Variants in MPHOSPH9 observed in about 807,000 individuals in gnomAD.
MPHOSPH9 encodes M-phase phosphoprotein 9.
Under a neutral mutation model 145.5 loss-of-function variants are expected in MPHOSPH9, and 88 were observed. The observed-to-expected ratio is 0.60, with a 90% CI of 0.51 to 0.72. The LOEUF (loss-of-function observed/expected upper bound fraction) is 0.72. Among genes scored for constraint, MPHOSPH9 ranks in the 30% least tolerant of loss-of-function variants. The probability of loss-of-function intolerance (pLI) is 0.00; values close to 1 mark genes in which losing one functional copy is unlikely to be tolerated. For missense variants in MPHOSPH9, 1,238 were observed against 1,386.6 expected (o/e 0.89, Z 1.70); for synonymous variants, 435 against 486.2 (o/e 0.89, Z 1.39).
rs1386093732 is a variant in MPHOSPH9, at chr12:123,202,175, A to T, written c.1926T>A (p.Ile642=). 2 of 1,607,748 alleles carry T rather than the reference A, an allele frequency of 1.2e-6. No individual in the cohort carries two copies. Among genetic ancestry groups the T allele is most frequent in the African/African-American group, 2.7e-5 (2 of 74,608 alleles). ...GVEDWKITNQ[I]LVDRCGQLDS... The stretch of plus-strand genomic sequence containing the variant: ...ATTATAAATTTTACCTGTCTACAAG[A>T]ATTTGATTGGTTATCTTCCAATCTT... Residue 642 remains isoleucine, a synonymous_variant, in exon 11 of 24, where the codon ATT becomes ATA. Coordinates refer to ENST00000606320, the MANE Select transcript of MPHOSPH9 (RefSeq NM_022782.4).
rs1041303266 is a variant in MPHOSPH9, at chr12:123,159,562, T to G, written c.3450+1219A>C. ...TATCTTCATACACGGCAGGTAGGAG[T>G]AGAAATTGTCTCAAACATCCTGGGT... is the stretch of plus-strand genomic sequence containing the variant. On this transcript the variant is annotated intron_variant, in intron 23 of 23. Transcript: ENST00000606320. This position sits in a 1 kb window ranked among gnomAD's most constrained non-coding sequence, Gnocchi z 4.3. 6.6e-6 allele frequency: 1 copy of G among 151,914 alleles called. No individual in the cohort carries two copies. Among genetic ancestry groups the G allele is most frequent in the Admixed American group, 6.6e-5 (1 of 15,252 alleles). 9.4% of individuals were successfully genotyped at this position (151,914 alleles called of 1,614,324 possible).
rs1465257474 is a variant in MPHOSPH9 at position 123,198,151 on chromosome 12, A to T, written c.2025+96T>A. 1.2e-5 allele frequency: 11 copies of T among 943,468 alleles called. No individual in the cohort carries two copies. The South Asian group carries it at 1.5e-4, about 13-fold the overall frequency. 58.4% of individuals were successfully genotyped at this position (943,468 alleles called of 1,614,324 possible). A position where few individuals can be genotyped will look rare whatever the true frequency, so the allele number is the denominator to read the frequency against. ...CAACAGCACTAAAAATATAAACTTC[A>T]TAAGCCTTCCTTAAAAAGACAAGAA... On this transcript the variant is annotated intron_variant, in intron 12 of 23. Transcript: ENST00000606320.
At chr12:123,235,113 T>C (rs2047823591), upstream of MPHOSPH9, among the ~76,000 whole-genome samples, 1 of 152,204 alleles carries the variant, frequency 6.6e-6, no homozygotes, top group Non-Finnish European at 1.5e-5. Context: ...CCAAAGTTCC[T>C]CAGCCTTGTA....
At chr12:123,217,377 TAGTTAGAG>T (rs1024391100) in intron 6 of MPHOSPH9, among the ~76,000 whole-genome samples, 1 of 151,972 alleles carries the variant, frequency 6.6e-6, no homozygotes, top group Non-Finnish European at 1.5e-5. Context: ...TTTGTATTTT[TAGTTAGAG>T]ACGGGGTTTC....
chr12:123,236,883 AC>A (rs551953692), upstream of MPHOSPH9, among the ~76,000 whole-genome samples: 718 of 152,116 alleles, frequency 4.7e-3, 8 homozygotes, highest in Middle Eastern at 0.02. Flanking sequence ...CAGGAGTTCA[AC>A]ACCAGCCTGA....
At chr12:123,229,351 G>A (rs2138678771) in intron 2 of MPHOSPH9, among the ~76,000 whole-genome samples, 1 of 152,140 alleles carries the variant, frequency 6.6e-6, no homozygotes, top group South Asian at 2.1e-4. Context: ...AAAGTAAACA[G>A]GCTCTGATGA....
At position 123,202,783 on chromosome 12, in the gene MPHOSPH9, G is replaced by A. The variant is rs774004386; in HGVS notation, c.1622C>T (p.Thr541Ile). 21 of 1,613,996 alleles carry A rather than the reference G, an allele frequency of 1.3e-5. No homozygotes were observed. The highest frequency in any genetic ancestry group is 1.8e-5 in the Non-Finnish European group (21 of 1,179,886). The change falls in exon 10 of 24, where the codon ACC (threonine) becomes ATC (isoleucine). Residue 541 changes from threonine (T) to isoleucine (I), a missense_variant. This residue lies in a region of MPHOSPH9 where 837 missense variants were observed against 897.5 expected (regional missense o/e 0.93). Coordinates refer to ENST00000606320, the MANE Select transcript of MPHOSPH9 (RefSeq NM_022782.4). ...GACCGAGATATCATTACTAGTAATGGTATATACTGACGGAAACGTGGAACT... is the reference window on the plus strand; with the variant it reads ...GACCGAGATATCATTACTAGTAATGATATATACTGACGGAAACGTGGAACT... ...RTSSTFPSVY[T>I]ITSNDISVNT...
chr12:123,170,113 G>C (rs1169506506), intron 16 of MPHOSPH9, among the ~76,000 whole-genome samples: 2 of 150,696 alleles, frequency 1.3e-5, no homozygotes, highest in Admixed American at 6.6e-5. Context: ...GAGCAGCTGG[G>C]ACTACAGGCG....
upstream of MPHOSPH9, among the ~76,000 whole-genome samples, chr12:123,236,292 T>C (rs2047849112): frequency 6.6e-6 from 1 of 152,060 alleles, no homozygotes; most frequent in South Asian, 2.1e-4. Context: ...AATACAATAA[T>C]GTATTTGAAA....
rs925798246 is a variant in MPHOSPH9, at chr12:123,159,400, T to C, written c.3450+1381A>G. The stretch of plus-strand genomic sequence containing the variant: ...GGCTGGTCTTGAACTCCTGACCTCG[T>C]GATCCGCCCACCTCGGCCTCCCAAA... On this transcript the variant is annotated intron_variant, in intron 23 of 23. Coordinates refer to ENST00000606320, the MANE Select transcript of MPHOSPH9 (RefSeq NM_022782.4). The surrounding 1 kb of genome is among the most constrained non-coding windows in gnomAD (Gnocchi z 4.3). Among the ~76,000 whole-genome samples the C allele has an allele frequency of 2.0e-5, 3 of 152,132 alleles. No homozygotes were observed. Among genetic ancestry groups the C allele is most frequent in the Admixed American group, 2.0e-4 (3 of 15,270 alleles).
intron 1 of MPHOSPH9, among the ~76,000 whole-genome samples, chr12:123,242,239 A>G (rs1358336593): frequency 6.6e-6 from 1 of 152,192 alleles, no homozygotes; most frequent in African/African-American, 2.4e-5. Context: ...GCCATCATCA[A>G]AGGAAAAGTA....
rs1206671651 is a variant in MPHOSPH9 at position 123,155,445 on chromosome 12, T to C, written c.*1362A>G. ...AGGTCATTTGAGAGCCTGCTTGGAA[T>C]AACTGGGATGGCTTGGTTCATTCTA... On this transcript the variant is annotated 3_prime_UTR_variant, in exon 24 of 24. Coordinates refer to ENST00000606320, the MANE Select transcript of MPHOSPH9 (RefSeq NM_022782.4). 6.6e-6 allele frequency: 1 copy of C among 152,098 alleles called. No individual in the cohort carries two copies. The highest frequency in any genetic ancestry group is 1.9e-4 in the East Asian group (1 of 5,188). 9.4% of individuals were successfully genotyped at this position (152,098 alleles called of 1,614,324 possible). A position where few individuals can be genotyped will look rare whatever the true frequency, so the allele number is the denominator to read the frequency against.
chr12:123,180,092 C>T, intron 14 of MPHOSPH9, 102 bp from the exon 15 acceptor site: 1 of 600,802 alleles, frequency 1.7e-6, no homozygotes, highest in South Asian at 2.6e-5. Context: ...AACCAACTAG[C>T]TACAAACCAT....
Position 123,210,129 on chromosome 12 carries a change from A to G in MPHOSPH9, c.1121T>C (p.Met374Thr), listed in dbSNP as rs2046640290. Reference sequence around the variant, plus strand: ...TAAAGTTTCAGGCAAAGAGTGGTGCATATCCTTTTCCTCTAGTTTCCAGTA... The same window carrying G: ...TAAAGTTTCAGGCAAAGAGTGGTGCGTATCCTTTTCCTCTAGTTTCCAGTA... ...LTYWKLEEKD[M>T]HHSLPETLEK... Residue 374 changes from methionine to threonine, a missense_variant, in exon 8 of 24, where the codon ATG (methionine) becomes ACG (threonine). Physicochemically the swap from Met to Thr is moderately conservative, Grantham distance 81. Transcript: ENST00000606320. 2 of 1,608,292 alleles carry G rather than the reference A, an allele frequency of 1.2e-6. No individual in the cohort carries two copies. Among genetic ancestry groups the G allele is most frequent in the Admixed American group, 1.7e-5 (1 of 59,344 alleles).
Position 123,156,281 on chromosome 12 carries a change from T to C in MPHOSPH9, c.*526A>G, listed in dbSNP as rs1379696798. On this transcript the variant is annotated 3_prime_UTR_variant, in exon 24 of 24. Coordinates refer to ENST00000606320, the MANE Select transcript of MPHOSPH9 (RefSeq NM_022782.4). The stretch of plus-strand genomic sequence containing the variant: ...AGAGTCCATTATTACTATTCTGATA[T>C]TCACTCTAAGACACGTTTCAAATAC... 1.3e-5 allele frequency: 2 copies of C among 152,276 alleles called. No homozygotes were observed. The highest frequency in any genetic ancestry group is 2.9e-5 in the Non-Finnish European group (2 of 68,054). 9.4% of individuals were successfully genotyped at this position (152,276 alleles called of 1,614,324 possible).
In MPHOSPH9 at chr12:123,221,510, T is replaced by C. The variant is rs138579679; in HGVS notation, c.734A>G (p.Asn245Ser). The C allele has an allele frequency of 5.6e-6, 9 of 1,614,106 alleles. No homozygotes were observed. In the African/African-American group the frequency reaches 1.1e-4, roughly 19 times the overall value. ...PAESLVDGVK[N>S]ENFYIQTPEE... ...AGGAGTCTGTATATAAAAATTCTCA[T>C]TTTTCACACCATCTACAAGTGACTC... Residue 245 changes from asparagine to serine, a missense_variant, in exon 5 of 24, where the codon AAT (asparagine) becomes AGT (serine). Transcript: ENST00000606320.
chr12:123,227,583 G>A lies in MPHOSPH9; in HGVS notation c.138C>T (p.Ser46=). The A allele has an allele frequency of 6.5e-7, 1 of 1,531,568 alleles. No individual in the cohort carries two copies. The highest frequency in any genetic ancestry group is 8.7e-7 in the Non-Finnish European group (1 of 1,144,606). 94.9% of individuals were successfully genotyped at this position (1,531,568 alleles called of 1,614,324 possible). The change falls in exon 3 of 24, where the codon TCC becomes TCT. Residue 46 remains serine (S), a synonymous_variant. Transcript: ENST00000606320. ...SSPHLSTNGV[S]SFSGKTRPSV... is the part of the protein sequence containing the mutation. Reference sequence around the variant, plus strand: ...ATGGTCTGGTCTTCCCTGAGAAAGAGGATACCCCATTTGTACTAAGGTGGG... The same window carrying A: ...ATGGTCTGGTCTTCCCTGAGAAAGAAGATACCCCATTTGTACTAAGGTGGG...
At chr12:123,160,648 A>G (rs1352605260) in intron 23 of MPHOSPH9, 133 bp downstream of exon 23, 2 of 715,034 alleles carry the variant, frequency 2.8e-6, no homozygotes, top group East Asian at 5.6e-5. Context: ...CTTCCCGTAA[A>G]AGCTAAAAGT....
chr12:123,172,880 T>TTTTC (rs2044650800), intron 16 of MPHOSPH9, among the ~76,000 whole-genome samples: 1 of 120,384 alleles, frequency 8.3e-6, no homozygotes, highest in Non-Finnish European at 1.8e-5. Flanking sequence ...ACTTTTTTTT[T>TTTTC]TTTTTTTTTT....
Sources: gnomAD v4.1 joint callset for allele counts (sites outside exome capture counted in the v4.1 genomes callset) on GRCh38, gnomAD v4.1.1 for gene constraint, gnomAD v4.1.1 regional missense constraint, Gnocchi (gnomAD v3.1) non-coding constraint, MANE v1.5 for transcripts, NCBI Gene and HGNC (gene_info 2026-07-23, HGNC 2026-07-21) for gene names.